The following UNC13C variants were observed in gnomAD, a reference collection of about 807,000 sequenced individuals.
The protein encoded by UNC13C is protein unc-13 homolog C.
In UNC13C, 174 loss-of-function variants were observed where a neutral mutation model predicts 245.4. The observed-to-expected ratio is 0.71, with a 90% CI of 0.63 to 0.80. The LOEUF is 0.80. Ranked by LOEUF, UNC13C falls within the 30% of genes least tolerant of loss-of-function variation. The probability of loss-of-function intolerance (pLI) is 0.00; values close to 1 mark genes in which losing one functional copy is unlikely to be tolerated. For missense variants in UNC13C, 2,829 were observed against 2,602.9 expected (o/e 1.09, Z -1.89); for synonymous variants, 992 against 895.1 (o/e 1.11, Z -1.93).
chr15:54,265,571 G>A, intron 10 of UNC13C, 75 bp downstream of exon 10: 1 of 1,125,562 alleles, frequency 8.9e-7, no homozygotes, highest in Non-Finnish European at 1.2e-6. Context: ...TACAAAGGAT[G>A]CAATAATTAT....
chr15:54,196,917 G>A (rs2034371552), intron 4 of UNC13C, among the ~76,000 whole-genome samples: 1 of 152,118 alleles, frequency 6.6e-6, no homozygotes, highest in Non-Finnish European at 1.5e-5. Flanking sequence ...ATGAGAAAAT[G>A]TATCTATTAT....
chr15:53,933,987 A>G, the UNC13C span, among the ~76,000 whole-genome samples: 2 of 152,204 alleles, frequency 1.3e-5, no homozygotes, highest in African/African-American at 4.8e-5. Flanking sequence ...TGCAGGCTGC[A>G]TGGGATGCAA....
At chr15:54,415,823 A>G (rs1342984190) in intron 19 of UNC13C, among the ~76,000 whole-genome samples, 1 of 152,156 alleles carries the variant, frequency 6.6e-6, no homozygotes, top group African/African-American at 2.4e-5. Flanking sequence ...AACAGTTGCA[A>G]TGTGGAGTGG....
rs1056729737 is a variant in UNC13C, at chr15:54,628,007, A to T, written c.*894A>T. Reference sequence around the variant, plus strand: ...GCTTTATTTTTAAAAATATTCAATGATTAGTATTGAATGCAGCATTACTAT... The same window carrying T: ...GCTTTATTTTTAAAAATATTCAATGTTTAGTATTGAATGCAGCATTACTAT... On this transcript the variant is annotated 3_prime_UTR_variant, in exon 33 of 33. Coordinates refer to ENST00000260323, the MANE Select transcript of UNC13C (RefSeq NM_001080534.3). 1.3e-5 allele frequency: 2 copies of T among 152,450 alleles called. No individual in the cohort carries two copies. Among genetic ancestry groups the T allele is most frequent in the Non-Finnish European group, 2.9e-5 (2 of 67,988 alleles). 9.4% of individuals were successfully genotyped at this position (152,450 alleles called of 1,614,324 possible).
At chr15:53,904,134 A>T in the UNC13C span, among the ~76,000 whole-genome samples, 9 of 152,138 alleles carry the variant, frequency 5.9e-5, no homozygotes, top group Non-Finnish European at 1.0e-4. Context: ...ATCTTGTTGG[A>T]TGTTCAATAA....
Position 54,616,559 on chromosome 15 carries a change from C to T in UNC13C, c.6107-5768C>T, listed in dbSNP as rs555733422. On this transcript the variant is annotated intron_variant, in intron 30 of 32. Coordinates refer to ENST00000260323, the MANE Select transcript of UNC13C (RefSeq NM_001080534.3). ...TGGGCTAATAGTTTATTAACAACAA[C>T]AGCAACAAAAGCTTTTAAGTAAAAA... 6.6e-5 allele frequency among the ~76,000 whole-genome samples: 10 copies of T among 151,850 alleles called. No individual in the cohort carries two copies. The South Asian group carries it at 1.2e-3, about 19-fold the overall frequency.
intron 2 of UNC13C, among the ~76,000 whole-genome samples, chr15:54,046,744 A>G (rs1428851219): frequency 6.6e-6 from 1 of 151,988 alleles, no homozygotes; most frequent in Non-Finnish European, 1.5e-5. Context: ...AACAATATAG[A>G]AAATATATAA....
At chr15:53,863,545 GTA>G in the UNC13C span, among the ~76,000 whole-genome samples, 1 of 152,116 alleles carries the variant, frequency 6.6e-6, no homozygotes, top group Non-Finnish European at 1.5e-5. Context: ...ATCACAATTT[GTA>G]TATTATAATG....
chr15:54,059,655 C>T (rs1211918009), intron 2 of UNC13C, among the ~76,000 whole-genome samples: 2 of 152,136 alleles, frequency 1.3e-5, no homozygotes, highest in African/African-American at 2.4e-5. Flanking sequence ...GCCCACATTG[C>T]CAAGTCAATC....
chr15:54,207,305 T>A (rs771152390), intron 4 of UNC13C, among the ~76,000 whole-genome samples: 2 of 152,098 alleles, frequency 1.3e-5, no homozygotes, highest in Non-Finnish European at 2.9e-5. Flanking sequence ...AGTTCTTGCT[T>A]TCCTGAGAAT....
rs142838481 is a variant in UNC13C, at chr15:54,493,648, C to T, written c.4934-960C>T. ...GGATGTTTCTGCTATAAATCAAAGTCCTTAGGAGACTCACAGACCTCAAGC... is the reference window on the plus strand; with the variant it reads ...GGATGTTTCTGCTATAAATCAAAGTTCTTAGGAGACTCACAGACCTCAAGC... On this transcript the variant is annotated intron_variant, in intron 19 of 32. Transcript: ENST00000260323. 1.5e-3 allele frequency among the ~76,000 whole-genome samples: 227 copies of T among 152,154 alleles called. 1 individual carries two copies. Among genetic ancestry groups the T allele is most frequent in the African/African-American group, 5.3e-3 (220 of 41,526 alleles).
the UNC13C span, among the ~76,000 whole-genome samples, chr15:53,928,187 C>T: frequency 1.2e-4 from 19 of 152,056 alleles, no homozygotes; most frequent in East Asian, 3.9e-4. Context: ...CTGAGAGCCC[C>T]GAACAGAGAT....
At chr15:53,926,865 T>A in the UNC13C span, among the ~76,000 whole-genome samples, 1 of 152,204 alleles carries the variant, frequency 6.6e-6, no homozygotes, top group Non-Finnish European at 1.5e-5. Context: ...GATCTGCCAA[T>A]AGTTTTCCGT....
chr15:54,004,026 C>G (rs1437251682), intron 1 of UNC13C, among the ~76,000 whole-genome samples: 1 of 152,012 alleles, frequency 6.6e-6, no homozygotes, highest in South Asian at 2.1e-4. Flanking sequence ...AACAAACAAA[C>G]AAAACAAACA....
the UNC13C span, among the ~76,000 whole-genome samples, chr15:53,838,577 A>G: frequency 6.6e-6 from 1 of 152,018 alleles, no homozygotes; most frequent in African/African-American, 2.4e-5. Context: ...AAATTATACT[A>G]ATTGATTTTT....
chr15:54,488,677 G>T (rs573304815), intron 19 of UNC13C, among the ~76,000 whole-genome samples: 5 of 152,112 alleles, frequency 3.3e-5, no homozygotes, highest in Admixed American at 6.6e-5. Flanking sequence ...ACCATTTAAA[G>T]GAAAATAGTC....
chr15:54,038,124 A>ATATAAAAATTTTTTTTTTTTTT, intron 2 of UNC13C, among the ~76,000 whole-genome samples: 6 of 45,034 alleles, frequency 1.3e-4, no homozygotes, highest in African/African-American at 6.3e-4. Context: ...ATATATATAT[A>ATATAAAAATTTTTTTTTTTTTT]TTTTTTTTTT....
intron 2 of UNC13C, among the ~76,000 whole-genome samples, chr15:54,023,748 G>A (rs780654977): frequency 6.6e-6 from 1 of 152,150 alleles, no homozygotes; most frequent in Non-Finnish European, 1.5e-5. Flanking sequence ...GAAGCTAAAG[G>A]CATGGTGCAT....
intron 2 of UNC13C, among the ~76,000 whole-genome samples, chr15:54,028,498 A>G (rs930413141): frequency 6.6e-6 from 1 of 152,174 alleles, no homozygotes; most frequent in African/African-American, 2.4e-5. Context: ...CTTTTAGAGT[A>G]AGGGCAAAAT....
Sources: gnomAD v4.1 joint callset for allele counts (sites outside exome capture counted in the v4.1 genomes callset) on GRCh38, gnomAD v4.1.1 for gene constraint, MANE v1.5 for transcripts, NCBI Gene and HGNC (gene_info 2026-07-23, HGNC 2026-07-21) for gene names.